The following SAMD5 variants were observed in gnomAD, a reference collection of about 807,000 sequenced individuals.
SAMD5 encodes sterile alpha motif domain containing 5.
A neutral mutation model predicts 11.3 loss-of-function variants in SAMD5; 13 were observed. The observed-to-expected ratio is 1.15, with a 90% CI of 0.75 to 1.83. The LOEUF is 1.83. Among genes scored for constraint, SAMD5 ranks in the 40% most tolerant of loss-of-function variants. The probability of loss-of-function intolerance (pLI) is 0.00; values close to 1 mark genes in which losing one functional copy is unlikely to be tolerated. For synonymous variants in SAMD5, 129 were observed against 111.3 expected (o/e 1.16, Z -1.00); for missense variants, 255 against 239.1 (o/e 1.07, Z -0.44).
chr6:147,680,071 G>T (rs1183901498), intron 1 of SAMD5, among the ~76,000 whole-genome samples: 2 of 151,944 alleles, frequency 1.3e-5, no homozygotes, highest in African/African-American at 4.8e-5. Context: ...AGTTGCTTTG[G>T]ATTTTCTAGG....
chr6:147,945,822 G>T, the SAMD5 span, among the ~76,000 whole-genome samples: 1 of 152,162 alleles, frequency 6.6e-6, no homozygotes, highest in South Asian at 2.1e-4. Context: ...CCTACCTTGT[G>T]CCAGGCACTA....
At chr6:147,720,404 A>C (rs1416866212) in intron 1 of SAMD5, among the ~76,000 whole-genome samples, 3 of 151,910 alleles carry the variant, frequency 2.0e-5, no homozygotes, top group Non-Finnish European at 4.4e-5. Flanking sequence ...CGGAGCTTGC[A>C]GTGAGCCGAG....
At chr6:147,729,954 G>A (rs775515999) in intron 1 of SAMD5, 9 of 415,604 alleles carry the variant, frequency 2.2e-5, no homozygotes, top group African/African-American at 8.3e-5. Flanking sequence ...GTGTGATGGC[G>A]TGTGCCTGTA....
chr6:147,794,396 T>C, the SAMD5 span, among the ~76,000 whole-genome samples: 5 of 152,274 alleles, frequency 3.3e-5, no homozygotes, highest in African/African-American at 1.2e-4. Context: ...TTGTCTACTA[T>C]AAGACTTATT....
the SAMD5 span, among the ~76,000 whole-genome samples, chr6:147,914,304 G>A: frequency 6.6e-6 from 1 of 151,976 alleles, no homozygotes; most frequent in Non-Finnish European, 1.5e-5. Context: ...GTCATGTTAG[G>A]AAGGAAGGAG....
At chr6:147,598,414 G>A (rs56367919) in intron 1 of SAMD5, among the ~76,000 whole-genome samples, 13,978 of 152,154 alleles carry the variant, frequency 0.092, 781 homozygotes, top group Middle Eastern at 0.16. Flanking sequence ...ATGAGCCACC[G>A]TGGCTAGCAT....
chr6:147,526,279 T>C (rs118174297), intron 1 of SAMD5, among the ~76,000 whole-genome samples: 947 of 152,366 alleles, frequency 6.2e-3, no homozygotes, highest in Non-Finnish European at 8.7e-3. Flanking sequence ...ATATTATTAC[T>C]TACATTCAGC....
intron 1 of SAMD5, among the ~76,000 whole-genome samples, chr6:147,669,230 T>C (rs912838210): frequency 1.8e-4 from 28 of 152,194 alleles, no homozygotes; most frequent in African/African-American, 6.8e-4. Context: ...GTGCCACTAT[T>C]TATCAACTAA....
the SAMD5 span, among the ~76,000 whole-genome samples, chr6:147,761,264 A>G: frequency 6.6e-6 from 1 of 152,136 alleles, no homozygotes; most frequent in South Asian, 2.1e-4. Context: ...AAGGCCTACA[A>G]GCTACTATTG....
the SAMD5 span, among the ~76,000 whole-genome samples, chr6:147,870,763 G>A: frequency 7.1e-6 from 1 of 141,724 alleles, no homozygotes; most frequent in East Asian, 2.2e-4. Flanking sequence ...CAGGAAGTCG[G>A]GGAAGGAGAA....
Position 147,609,187 on chromosome 6 carries a change from A to G in SAMD5, c.162+99800A>G, listed in dbSNP as rs115436756. ...AAGACAGGACCTTAATGAGATAATC[A>G]AGTTAAAACAAGGCCATTAGAGTGG... On this transcript the variant is annotated intron_variant, in intron 1 of 1. Coordinates refer to the SAMD5 transcript ENST00000566741. 9.5e-3 allele frequency among the ~76,000 whole-genome samples: 1,453 copies of G among 152,308 alleles called. 33 individuals are homozygous for G. The highest frequency in any genetic ancestry group is 0.033 in the African/African-American group (1,388 of 41,554).
chr6:147,707,774 C>T (rs939427987), intron 1 of SAMD5, among the ~76,000 whole-genome samples: 1 of 152,112 alleles, frequency 6.6e-6, no homozygotes, highest in Non-Finnish European at 1.5e-5. Flanking sequence ...GAAAAGCATT[C>T]AGTGTGCTTT....
the SAMD5 span, among the ~76,000 whole-genome samples, chr6:147,806,464 T>C: frequency 6.6e-6 from 1 of 152,192 alleles, no homozygotes; most frequent in Non-Finnish European, 1.5e-5. Context: ...GCCATGTACC[T>C]GTTTTGAGTC....
the SAMD5 span, among the ~76,000 whole-genome samples, chr6:147,814,579 A>G: frequency 6.6e-6 from 1 of 152,128 alleles, no homozygotes; most frequent in Non-Finnish European, 1.5e-5. Context: ...TTCTGATACC[A>G]TCCAAACCTC....
intron 1 of SAMD5, among the ~76,000 whole-genome samples, chr6:147,607,466 G>T (rs930317622): frequency 1.9e-4 from 29 of 152,166 alleles, no homozygotes; most frequent in African/African-American, 5.8e-4. Flanking sequence ...GCATGGTACT[G>T]GCATTAAAAA....
chr6:147,733,694 A>G (rs549782979), intron 1 of SAMD5: 11 of 388,526 alleles, frequency 2.8e-5, no homozygotes, highest in Admixed American at 1.9e-4. Flanking sequence ...ACTAAATGTT[A>G]TATCTGAATC....
chr6:147,798,586 G>A, the SAMD5 span, among the ~76,000 whole-genome samples: 1,104 of 152,028 alleles, frequency 7.3e-3, 14 homozygotes, highest in African/African-American at 0.025. Flanking sequence ...TATTAGGTCC[G>A]CTTGGTGCAG....
At chr6:147,834,080 A>C in the SAMD5 span, among the ~76,000 whole-genome samples, 1 of 152,260 alleles carries the variant, frequency 6.6e-6, no homozygotes, top group Non-Finnish European at 1.5e-5. Context: ...TATTATCAGC[A>C]GCATAGTTCC....
intron 1 of SAMD5, among the ~76,000 whole-genome samples, chr6:147,645,590 C>A (rs1790385270): frequency 6.6e-6 from 1 of 152,154 alleles, no homozygotes; most frequent in Admixed American, 6.6e-5. Flanking sequence ...TATGATCTTG[C>A]ACAGGTGTGT....
Sources: allele counts gnomAD v4.1 joint callset (sites outside exome capture counted in the v4.1 genomes callset), GRCh38; gene constraint gnomAD v4.1.1; transcripts MANE v1.5; gene names NCBI Gene and HGNC (gene_info 2026-07-23, HGNC 2026-07-21).